The following CD276 variants were observed in gnomAD, a reference collection of about 807,000 sequenced individuals.
CD276 encodes CD276 molecule.
Under a neutral mutation model 50.0 loss-of-function variants are expected in CD276, and 34 were observed. That is an observed-to-expected ratio of 0.68 (90% CI 0.52 to 0.91). The LOEUF (loss-of-function observed/expected upper bound fraction) is 0.91. CD276 is among the 40% of genes least tolerant of loss of function. CD276 has a pLI of 0.00. For missense variants in CD276, 634 were observed against 717.5 expected (o/e 0.88, Z 1.33); for synonymous variants, 275 against 313.0 (o/e 0.88, Z 1.28).
At chr15:73,711,010 G>A (rs1228378527) in intron 8 of CD276, 125 bp from the exon 9 acceptor site, 1 of 917,346 alleles carries the variant, frequency 1.1e-6, no homozygotes, top group Non-Finnish European at 1.7e-6. Flanking sequence ...CTTGTGCTAT[G>A]AAGTGGTCCC....
chr15:73,697,071 G>T (rs550402906), intron 1 of CD276, among the ~76,000 whole-genome samples: 1 of 152,186 alleles, frequency 6.6e-6, no homozygotes, highest in South Asian at 2.1e-4. Flanking sequence ...GGTGCTTCCC[G>T]CAGGGGTTGG....
In CD276 at chr15:73,704,336, G is replaced by A. The variant is rs776236542; in HGVS notation, c.1233G>A (p.Ser411=). ...GVPLTGNVTT[S]QMANEQGLFD... is the part of the protein sequence containing the mutation. ...CCCTGACTGGCAACGTGACCACGTC[G>A]CAGATGGCCAACGAGCAGGGCTTGT... The change falls in exon 6 of 10, where the codon TCG becomes TCA. Residue 411 remains serine (S), a synonymous_variant. Transcript: ENST00000318443. This position sits in a 1 kb window ranked among gnomAD's most constrained non-coding sequence, Gnocchi z 4.1. 6.8e-6 allele frequency: 11 copies of A among 1,613,976 alleles called. No homozygotes were observed. The highest frequency in any genetic ancestry group is 4.0e-5 in the African/African-American group (3 of 75,058).
In CD276 at chr15:73,709,621, GT is replaced by G. The variant is rs756135849; in HGVS notation, c.1505-24del. 8.1e-6 allele frequency: 13 copies of G among 1,611,964 alleles called. No homozygotes were observed. The African/African-American group carries it at 1.3e-4, about 17-fold the overall frequency. On this transcript the variant is annotated intron_variant, in intron 7 of 9. Coordinates refer to ENST00000318443, the MANE Select transcript of CD276 (RefSeq NM_001024736.2). ...GAAAATGGGCTTGCAAAAGATTTTT[GT>G]TTATTCTGAGTTCTTGCCTTTGCAG...
In CD276 at chr15:73,703,768, C is replaced by A. The variant is rs764430413; in HGVS notation, c.843C>A (p.Leu281=). 6.2e-7 allele frequency: 1 copy of A among 1,613,684 alleles called. No homozygotes were observed. ...AGCCTGGCTTCAGCCTGGCACAGCT[C>A]AACCTCATCTGGCAGCTGACAGACA... The part of the protein sequence containing the change: ...SPEPGFSLAQ[L]NLIWQLTDTK... Residue 281 remains leucine (L), a synonymous_variant, in exon 5 of 10, where the codon CTC becomes CTA. Coordinates refer to ENST00000318443, the MANE Select transcript of CD276 (RefSeq NM_001024736.2).
At chr15:73,693,450 G>A (rs1376548052) in intron 1 of CD276, among the ~76,000 whole-genome samples, 2 of 152,144 alleles carry the variant, frequency 1.3e-5, no homozygotes, top group Non-Finnish European at 2.9e-5. Flanking sequence ...GGCAGTTGGA[G>A]GAATGGACTC....
Position 73,704,536 on chromosome 15 carries a change from C to A in CD276, c.1369+64C>A. 1.3e-6 allele frequency: 2 copies of A among 1,533,080 alleles called. No homozygotes were observed. Among genetic ancestry groups the A allele is most frequent in the South Asian group, 1.2e-5 (1 of 83,074 alleles). 95.0% of individuals were successfully genotyped at this position (1,533,080 alleles called of 1,614,324 possible). Reference sequence around the variant, plus strand: ...TAACTCCCTCTTTACTGGACCCTAACGTGGAATTTCCATAGGTTTGGGTGG... The same window carrying A: ...TAACTCCCTCTTTACTGGACCCTAAAGTGGAATTTCCATAGGTTTGGGTGG... On this transcript the variant is annotated intron_variant, in intron 6 of 9. Coordinates refer to ENST00000318443, the MANE Select transcript of CD276 (RefSeq NM_001024736.2). The surrounding 1 kb of genome is among the most constrained non-coding windows in gnomAD (Gnocchi z 4.1).
chr15:73,709,417 T>C, intron 7 of CD276: 1 of 519,860 alleles, frequency 1.9e-6, no homozygotes, highest in South Asian at 2.3e-5. Context: ...GGCTGGGTAG[T>C]TTTTGGCTGG....
At chr15:73,692,900 C>A (rs1900039857) in intron 1 of CD276, among the ~76,000 whole-genome samples, 1 of 152,222 alleles carries the variant, frequency 6.6e-6, no homozygotes, top group Non-Finnish European at 1.5e-5. Context: ...GTCCTGGAAC[C>A]AATGAGCACT....
chr15:73,684,296 CA>C (rs1352526717), upstream of CD276: 1 of 151,988 alleles, frequency 6.6e-6, no homozygotes, highest in Non-Finnish European at 1.5e-5. Flanking sequence ...CTCAGGGACG[CA>C]CCGGAGCCGC....
Position 73,704,398 on chromosome 15 carries a change from C to T in CD276, c.1295C>T (p.Ala432Val), listed in dbSNP as rs775977755. ...AGCGTCCTGCGGGTGGTGCTGGGTG[C>T]GAATGGCACCTACAGCTGCCTGGTG... is the stretch of plus-strand genomic sequence containing the variant. ...VHSVLRVVLGANGTYSCLVRN... is the reference protein window; with the variant it reads ...VHSVLRVVLGVNGTYSCLVRN... The change falls in exon 6 of 10, where the codon GCG (alanine) becomes GTG (valine). Residue 432 changes from alanine to valine, a missense_variant. Physicochemically the swap from Ala to Val is moderately conservative, Grantham distance 64. Coordinates refer to ENST00000318443, the MANE Select transcript of CD276 (RefSeq NM_001024736.2). The surrounding 1 kb of genome is among the most constrained non-coding windows in gnomAD (Gnocchi z 4.1). 9 of 1,613,960 alleles carry T rather than the reference C, an allele frequency of 5.6e-6. No individual in the cohort carries two copies. Among genetic ancestry groups the T allele is most frequent in the South Asian group, 5.5e-5 (5 of 91,088 alleles).
chr15:73,693,896 G>A (rs1163203088), intron 1 of CD276, among the ~76,000 whole-genome samples: 2 of 137,012 alleles, frequency 1.5e-5, no homozygotes, highest in African/African-American at 2.7e-5. Context: ...GTGTGTATGC[G>A]GTGGGTGGGG....
rs575079855 is a variant in CD276 at position 73,704,537 on chromosome 15, G to A, written c.1369+65G>A. ...AACTCCCTCTTTACTGGACCCTAACGTGGAATTTCCATAGGTTTGGGTGGC... is the reference window on the plus strand; with the variant it reads ...AACTCCCTCTTTACTGGACCCTAACATGGAATTTCCATAGGTTTGGGTGGC... On this transcript the variant is annotated intron_variant, in intron 6 of 9. Coordinates refer to ENST00000318443, the MANE Select transcript of CD276 (RefSeq NM_001024736.2). The surrounding 1 kb of genome is among the most constrained non-coding windows in gnomAD (Gnocchi z 4.1). The A allele has an allele frequency of 3.7e-5, 56 of 1,532,884 alleles. No homozygotes were observed. Among genetic ancestry groups the A allele is most frequent in the African/African-American group, 2.1e-4 (15 of 73,154 alleles). The allele number at this position is 1,532,884 out of a possible 1,614,324, so 95.0% of individuals were successfully genotyped here.
intron 2 of CD276, among the ~76,000 whole-genome samples, chr15:73,701,591 G>A (rs923875692): frequency 1.3e-5 from 2 of 152,082 alleles, no homozygotes; most frequent in Admixed American, 6.5e-5. Context: ...TTTCCTCTAC[G>A]GGGTTCTCTG....
intron 1 of CD276, among the ~76,000 whole-genome samples, chr15:73,689,188 CTGTGTGTGTGTGTGTGTG>C (rs58196751): frequency 4.2e-5 from 6 of 142,714 alleles, no homozygotes; most frequent in Middle Eastern, 3.6e-3. Context: ...TCTGTGCCTC[CTGTGTGTGTGTGTGTGTG>C]TGTGTGTGTG....
chr15:73,706,203 C>T (rs1337094480), intron 6 of CD276, among the ~76,000 whole-genome samples: 2 of 152,084 alleles, frequency 1.3e-5, no homozygotes, highest in East Asian at 3.9e-4. Flanking sequence ...TGAGCCGAGA[C>T]AGTGTCACTG....
At position 73,708,482 on chromosome 15, in the gene CD276, GTGTGTA is replaced by G. The variant is rs754631520; in HGVS notation, c.1504+15_1504+20del. 4 of 1,610,338 alleles carry G rather than the reference GTGTGTA, an allele frequency of 2.5e-6. No homozygotes were observed. The East Asian group carries it at 8.9e-5, about 36-fold the overall frequency. ...TGAGGAGGAGAATGCAGGTGAGTGT[GTGTGTA>G]TGTGTGTGCGTGCGCATGCACACTT... On this transcript the variant is annotated intron_variant, in intron 7 of 9. Transcript: ENST00000318443.
chr15:73,708,294 T>C, intron 6 of CD276, 45 bp from the exon 7 acceptor site: 1 of 1,604,270 alleles, frequency 6.2e-7, no homozygotes, highest in Non-Finnish European at 8.5e-7. Context: ...CTCCGGGACA[T>C]GGGGCCAGGC....
chr15:73,706,079 G>T (rs977834356), intron 6 of CD276, among the ~76,000 whole-genome samples: 3 of 151,988 alleles, frequency 2.0e-5, no homozygotes, highest in African/African-American at 7.2e-5. Context: ...GTGAAACCCT[G>T]TCTCTACTGA....
chr15:73,697,068 C>T (rs1019249951), intron 1 of CD276, among the ~76,000 whole-genome samples: 1 of 152,156 alleles, frequency 6.6e-6, no homozygotes, highest in Non-Finnish European at 1.5e-5. Flanking sequence ...CCTGGTGCTT[C>T]CCGCAGGGGT....
Sources: allele counts gnomAD v4.1 joint callset (sites outside exome capture counted in the v4.1 genomes callset), GRCh38; gene constraint gnomAD v4.1.1; non-coding constraint Gnocchi (gnomAD v3.1); transcripts MANE v1.5; gene names NCBI Gene and HGNC (gene_info 2026-07-23, HGNC 2026-07-21).